Variants in DOCK10 observed in about 807,000 individuals in gnomAD.
DOCK10 encodes the protein dedicator of cytokinesis 10, also known as dedicator of cytokinesis protein 10.
Under a neutral mutation model 280.1 loss-of-function variants are expected in DOCK10, and 145 were observed. The ratio of observed to expected loss-of-function variants is 0.52; its 90% CI spans 0.45 to 0.59. The LOEUF (loss-of-function observed/expected upper bound fraction) is 0.59, where lower values mean the gene tolerates loss of function less well. DOCK10 is among the 20% of genes least tolerant of loss of function. DOCK10 has a pLI of 0.00. For synonymous variants in DOCK10, 915 were observed against 942.2 expected (o/e 0.97, Z 0.53); for missense variants, 2,368 against 2,651.7 (o/e 0.89, Z 2.35).
intron 1 of DOCK10, among the ~76,000 whole-genome samples, chr2:224,961,366 A>G (rs1704374374): frequency 1.3e-5 from 2 of 150,644 alleles, no homozygotes; most frequent in African/African-American, 4.9e-5. Flanking sequence ...AGTATGTGAT[A>G]TTTCCCATGC....
chr2:224,823,011 G>A (rs1258526932), intron 28 of DOCK10, among the ~76,000 whole-genome samples: 1 of 139,934 alleles, frequency 7.1e-6, no homozygotes, highest in African/African-American at 2.7e-5. Flanking sequence ...TTTTTTTTGA[G>A]ACAGTCTCTC....
At chr2:224,820,387 T>A (rs751349401) in intron 28 of DOCK10, among the ~76,000 whole-genome samples, 1 of 152,190 alleles carries the variant, frequency 6.6e-6, no homozygotes, top group African/African-American at 2.4e-5. Flanking sequence ...GAAGGGACCA[T>A]AGTTCCCAAC....
chr2:224,960,434 TC>T (rs1306195179), intron 1 of DOCK10, among the ~76,000 whole-genome samples: 4 of 152,210 alleles, frequency 2.6e-5, no homozygotes, highest in Non-Finnish European at 5.9e-5. Context: ...AACTTATTTG[TC>T]TTTACAGAGC....
In DOCK10 at chr2:224,864,988, G is replaced by C. The variant is rs1458863210; in HGVS notation, c.1357C>G (p.Gln453Glu). Residue 453 changes from glutamine to glutamate, a missense_variant, in exon 12 of 56, where the codon CAG (glutamine) becomes GAG (glutamate). Coordinates refer to ENST00000258390, the MANE Select transcript of DOCK10 (RefSeq NM_014689.3). ...GCCACAGAAGCCCCCAAGAGCATCT[G>C]TCTGACAGCAGCATGGTTTAGATCC... Reference protein sequence around the residue: ...HVDLNHAAVRQMLLGASVALE... With the variant: ...HVDLNHAAVREMLLGASVALE... The C allele has an allele frequency of 1.9e-6, 3 of 1,613,828 alleles. No individual in the cohort carries two copies. Among genetic ancestry groups the C allele is most frequent in the South Asian group, 1.1e-5 (1 of 91,088 alleles).
chr2:224,807,501 G>A, intron 33 of DOCK10, 167 bp downstream of exon 33: 1 of 536,016 alleles, frequency 1.9e-6, no homozygotes, highest in East Asian at 2.9e-5. Flanking sequence ...AGGCTAAAGG[G>A]ACCTATCTGG....
intron 31 of DOCK10, among the ~76,000 whole-genome samples, chr2:224,813,272 TGTAACCTC>T (rs1693905849): frequency 1.3e-5 from 2 of 152,228 alleles, no homozygotes; most frequent in South Asian, 4.1e-4. Flanking sequence ...CTTGGCTCAC[TGTAACCTC>T]TGCCTCCAGG....
intron 1 of DOCK10, among the ~76,000 whole-genome samples, chr2:225,017,528 C>T (rs1689646331): frequency 6.6e-6 from 1 of 151,758 alleles, no homozygotes; most frequent in African/African-American, 2.4e-5. Flanking sequence ...ACCTGGTATG[C>T]CATTTGGGTA....
rs765364787 is a variant in DOCK10 at position 224,845,367 on chromosome 2, C to T, written c.2360-43G>A. 5 of 1,568,638 alleles carry T rather than the reference C, an allele frequency of 3.2e-6. No individual in the cohort carries two copies. The African/African-American group carries it at 6.8e-5, about 21-fold the overall frequency. ...CAACAAAAATTCTGAGTACAAACCT[C>T]CATGGTAAGAAGTCACAATAATGCT... On this transcript the variant is annotated intron_variant, in intron 20 of 55. Transcript: ENST00000258390.
chr2:224,765,979 G>C (rs1279707268), intron 55 of DOCK10, 142 bp from the exon 56 acceptor site: 3 of 569,956 alleles, frequency 5.3e-6, no homozygotes, highest in African/African-American at 1.9e-5. Context: ...TATTAAAGTG[G>C]ATCTAAAGAA....
At chr2:224,825,372 T>G (rs1262966139) in intron 27 of DOCK10, among the ~76,000 whole-genome samples, 1 of 152,246 alleles carries the variant, frequency 6.6e-6, no homozygotes, top group East Asian at 1.9e-4. Context: ...TTAAAATTTA[T>G]TGTTGAAATC....
intron 7 of DOCK10, among the ~76,000 whole-genome samples, chr2:224,880,172 A>G (rs977997797): frequency 1.3e-5 from 2 of 152,218 alleles, no homozygotes; most frequent in Non-Finnish European, 2.9e-5. Context: ...ATAATCACAA[A>G]TATTCTTAAA....
chr2:224,767,912 T>C (rs1257422347), intron 55 of DOCK10, among the ~76,000 whole-genome samples: 2 of 89,010 alleles, frequency 2.2e-5, no homozygotes, highest in Non-Finnish European at 4.4e-5. Context: ...CCATTCTAAT[T>C]GTTTCTTTTT....
At chr2:224,954,831 A>G (rs1182738355) in intron 1 of DOCK10, among the ~76,000 whole-genome samples, 3 of 152,224 alleles carry the variant, frequency 2.0e-5, no homozygotes, top group Admixed American at 1.3e-4. Context: ...ATTTTTCATT[A>G]TACTATTTTT....
intron 2 of DOCK10, among the ~76,000 whole-genome samples, chr2:224,917,458 T>A (rs1701402904): frequency 6.6e-6 from 1 of 152,152 alleles, no homozygotes; most frequent in African/African-American, 2.4e-5. Context: ...TTTAATAATA[T>A]CGTAAATAAT....
At chr2:224,868,278 T>C (rs1698055331) in intron 11 of DOCK10, among the ~76,000 whole-genome samples, 1 of 152,128 alleles carries the variant, frequency 6.6e-6, no homozygotes, top group South Asian at 2.1e-4. Context: ...TAGAAAAATG[T>C]CACATACAAC....
intron 31 of DOCK10, among the ~76,000 whole-genome samples, chr2:224,811,423 C>A (rs575179433): frequency 2.6e-5 from 4 of 152,188 alleles, no homozygotes; most frequent in African/African-American, 9.6e-5. Context: ...AATTTTCTCC[C>A]ATTTTGTAGG....
chr2:224,920,882 T>C (rs1158380307), intron 2 of DOCK10, among the ~76,000 whole-genome samples: 1 of 151,122 alleles, frequency 6.6e-6, no homozygotes, highest in East Asian at 1.9e-4. Flanking sequence ...CATCATATTT[T>C]GCATGTGACA....
At chr2:224,956,625 GAAAAAAAAAAA>G (rs3083983) in intron 1 of DOCK10, among the ~76,000 whole-genome samples, 892 of 78,700 alleles carry the variant, frequency 0.011, 12 homozygotes, top group African/African-American at 0.045. Context: ...CGCTACCTCA[GAAAAAAAAAAA>G]AAAAAAAAAA....
chr2:224,770,183 T>C lies in DOCK10; in HGVS notation c.6444+28A>G, dbSNP rs773507496. The C allele has an allele frequency of 4.8e-5, 72 of 1,501,432 alleles. No homozygotes were observed. The highest frequency in any genetic ancestry group is 6.1e-5 in the Non-Finnish European group (68 of 1,123,868). The allele number at this position is 1,501,432 out of a possible 1,614,324, so 93.0% of individuals were successfully genotyped here. A position where few individuals can be genotyped will look rare whatever the true frequency, so the allele number is the denominator to read the frequency against. On this transcript the variant is annotated intron_variant, in intron 55 of 55. Transcript: ENST00000258390. This position sits in a 1 kb window ranked among gnomAD's most constrained non-coding sequence, Gnocchi z 4.5. ...GCGAAAGGGACTTTCTGTCCACTGATAGCGCGTGTGCACCAAGGAGCGCTC... is the reference window on the plus strand; with the variant it reads ...GCGAAAGGGACTTTCTGTCCACTGACAGCGCGTGTGCACCAAGGAGCGCTC...
Sources: gnomAD v4.1 joint callset for allele counts (sites outside exome capture counted in the v4.1 genomes callset) on GRCh38, gnomAD v4.1.1 for gene constraint, Gnocchi (gnomAD v3.1) non-coding constraint, MANE v1.5 for transcripts, NCBI Gene and HGNC (gene_info 2026-07-23, HGNC 2026-07-21) for gene names.